The following SASH1 variants were observed in gnomAD, a reference collection of about 807,000 sequenced individuals.
SASH1 encodes the protein SAM and SH3 domain containing 1.
In SASH1, 44 loss-of-function variants were observed where a neutral mutation model predicts 125.2. The ratio of observed to expected loss-of-function variants is 0.35; its 90% CI spans 0.28 to 0.45. SASH1 has a LOEUF of 0.45. Among genes scored for constraint, SASH1 ranks in the 20% least tolerant of loss-of-function variants. SASH1 has a pLI of 1.00. For missense variants in SASH1, 1,426 were observed against 1,614.5 expected (o/e 0.88, Z 2.00); for synonymous variants, 639 against 649.1 (o/e 0.98, Z 0.24).
At chr6:148,460,579 T>C (rs1391870867) in intron 4 of SASH1, among the ~76,000 whole-genome samples, 1 of 152,212 alleles carries the variant, frequency 6.6e-6, no homozygotes, top group Non-Finnish European at 1.5e-5. Flanking sequence ...ACTCAAGCCA[T>C]TTCCCTTGAT....
In SASH1 at chr6:148,519,399, AGT is replaced by A; in HGVS notation, c.863-145_863-144del. 1 of 620,302 alleles carries A rather than the reference AGT, an allele frequency of 1.6e-6. No homozygotes were observed. Among genetic ancestry groups the A allele is most frequent in the Non-Finnish European group, 2.9e-6 (1 of 344,604 alleles). The allele number at this position is 620,302 out of a possible 1,614,324, so 38.4% of individuals were successfully genotyped here. ...CTCATGTGAAACCATGTATTTGCAC[AGT>A]GTATTTTCATTTTTCTGTACATATG... On this transcript the variant is annotated intron_variant, in intron 9 of 19. Transcript: ENST00000367467. The surrounding 1 kb of genome is among the most constrained non-coding windows in gnomAD (Gnocchi z 4.8).
At chr6:148,301,455 A>G (rs1431860131) in intron 1 of SASH1, among the ~76,000 whole-genome samples, 2 of 151,650 alleles carry the variant, frequency 1.3e-5, no homozygotes, top group East Asian at 2.0e-4. Flanking sequence ...TGGTAGAGAC[A>G]GGGTTTCGCC....
At chr6:148,462,851 G>A (rs748920543) in intron 4 of SASH1, among the ~76,000 whole-genome samples, 2 of 152,148 alleles carry the variant, frequency 1.3e-5, no homozygotes, top group Non-Finnish European at 2.9e-5. Context: ...GAACTCAGGA[G>A]TCAGAGACGT....
intron 1 of SASH1, among the ~76,000 whole-genome samples, chr6:148,278,229 G>T (rs570419180): frequency 6.6e-6 from 1 of 151,994 alleles, no homozygotes; most frequent in South Asian, 2.1e-4. Flanking sequence ...TAGAGATGGG[G>T]TTTCACCATG....
chr6:148,247,324 T>A, the SASH1 span, among the ~76,000 whole-genome samples: 2 of 152,160 alleles, frequency 1.3e-5, no homozygotes, highest in Non-Finnish European at 2.9e-5. Flanking sequence ...GAAGGCTTCT[T>A]GGTAAGCATG....
intron 7 of SASH1, among the ~76,000 whole-genome samples, chr6:148,483,603 G>C (rs1778720961): frequency 6.6e-6 from 1 of 152,202 alleles, no homozygotes; most frequent in South Asian, 2.1e-4. Flanking sequence ...GGGAGCCCTG[G>C]AGGGTGAATG....
chr6:148,459,670 T>C (rs1331830876), intron 4 of SASH1, among the ~76,000 whole-genome samples: 1 of 152,144 alleles, frequency 6.6e-6, no homozygotes, highest in Non-Finnish European at 1.5e-5. Context: ...GGACTGAGGA[T>C]GACTTGGTTC....
chr6:148,210,616 G>A, the SASH1 span, among the ~76,000 whole-genome samples: 1 of 152,202 alleles, frequency 6.6e-6, no homozygotes, highest in Non-Finnish European at 1.5e-5. Flanking sequence ...TCTGTTCCAA[G>A]AGAGTTGGGG....
At chr6:148,362,205 G>A (rs1455819699) in intron 1 of SASH1, among the ~76,000 whole-genome samples, 1 of 150,276 alleles carries the variant, frequency 6.7e-6, no homozygotes, top group South Asian at 2.1e-4. Context: ...GGGATTACAG[G>A]CGTGAGCCAC....
intron 1 of SASH1, among the ~76,000 whole-genome samples, chr6:148,317,501 C>T (rs1308895746): frequency 9.9e-5 from 15 of 152,174 alleles, no homozygotes; most frequent in African/African-American, 3.4e-4. Flanking sequence ...CTCGGCTCAC[C>T]GCAACCTCCG....
upstream of SASH1, among the ~76,000 whole-genome samples, chr6:148,341,105 CG>C (rs1781307221): frequency 6.6e-6 from 1 of 152,040 alleles, no homozygotes; most frequent in Admixed American, 6.6e-5. Flanking sequence ...ACTGCACTGC[CG>C]GGGTGAGAGA....
intron 4 of SASH1, among the ~76,000 whole-genome samples, chr6:148,452,735 C>T (rs921578029): frequency 2.0e-5 from 3 of 152,268 alleles, no homozygotes; most frequent in East Asian, 1.9e-4. Flanking sequence ...GCAGTGCTGC[C>T]CCTGGTGAGG....
At chr6:148,430,354 CAG>C (rs1252870642) in intron 2 of SASH1, among the ~76,000 whole-genome samples, 1 of 152,162 alleles carries the variant, frequency 6.6e-6, no homozygotes, top group East Asian at 1.9e-4. Flanking sequence ...TTGTTTTAGT[CAG>C]AGTCTCGCTC....
At chr6:148,207,604 C>T in the SASH1 span, among the ~76,000 whole-genome samples, 4 of 152,196 alleles carry the variant, frequency 2.6e-5, no homozygotes, top group Non-Finnish European at 5.9e-5. Context: ...AAAGAGAATA[C>T]GGGAGCCCCA....
At chr6:148,514,683 G>A (rs1183149016) in intron 9 of SASH1, among the ~76,000 whole-genome samples, 1 of 143,562 alleles carries the variant, frequency 7.0e-6, no homozygotes, top group Non-Finnish European at 1.6e-5. Flanking sequence ...GGGGTGCTTA[G>A]TCATTTCAAT....
At chr6:148,242,643 C>A in the SASH1 span, among the ~76,000 whole-genome samples, 2 of 152,150 alleles carry the variant, frequency 1.3e-5, no homozygotes, top group Middle Eastern at 3.2e-3. Context: ...AAGAGATGAC[C>A]TCAATATTCC....
At chr6:148,288,690 T>TAC (rs10606943) in intron 1 of SASH1, among the ~76,000 whole-genome samples, 201 of 150,950 alleles carry the variant, frequency 1.3e-3, no homozygotes, top group Non-Finnish European at 2.1e-3. Flanking sequence ...CACGTGTATG[T>TAC]ACACACACAC....
At chr6:148,334,780 C>G (rs1185243888) in intron 1 of SASH1, among the ~76,000 whole-genome samples, 2 of 151,448 alleles carry the variant, frequency 1.3e-5, no homozygotes, top group Non-Finnish European at 2.9e-5. Flanking sequence ...CCACTGCACT[C>G]CAGCCTGGGC....
chr6:148,491,425 A>T (rs1779105268), intron 8 of SASH1, among the ~76,000 whole-genome samples: 1 of 152,110 alleles, frequency 6.6e-6, no homozygotes. Flanking sequence ...ATGCGCCACG[A>T]CGCCAAGCTA....
Sources: gnomAD v4.1 joint callset for allele counts (sites outside exome capture counted in the v4.1 genomes callset) on GRCh38, gnomAD v4.1.1 for gene constraint, Gnocchi (gnomAD v3.1) non-coding constraint, MANE v1.5 for transcripts, NCBI Gene and HGNC (gene_info 2026-07-23, HGNC 2026-07-21) for gene names.